The following DYSF variants were observed in gnomAD, a reference collection of about 807,000 sequenced individuals.
DYSF encodes the protein dystrophy-associated fer-1-like 1.
Under a neutral mutation model 274.9 loss-of-function variants are expected in DYSF, and 212 were observed. That is an observed-to-expected ratio of 0.77 (90% CI 0.69 to 0.86). The LOEUF (loss-of-function observed/expected upper bound fraction) is 0.86, where lower values mean the gene tolerates loss of function less well. DYSF is among the 40% of genes least tolerant of loss of function. The pLI, the probability that DYSF is intolerant of heterozygous loss-of-function variation, is 0.00. For missense variants in DYSF, 2,666 were observed against 2,783.2 expected (o/e 0.96, Z 0.95); for synonymous variants, 1,091 against 1,078.7 (o/e 1.01, Z -0.22).
rs186036570 is a variant in DYSF at position 71,526,200 on chromosome 2, G to T, written c.1150-20G>T. The stretch of plus-strand genomic sequence containing the variant: ...GTGCTCAGGAGCGCATGAAGGAATC[G>T]TATTTGGTTTTCTTTGTAGCTGGAG... On this transcript the variant is annotated intron_variant, in intron 12 of 55. Transcript: ENST00000410020. 4 of 1,614,074 alleles carry T rather than the reference G, an allele frequency of 2.5e-6. No individual in the cohort carries two copies. In the African/African-American group the frequency reaches 5.3e-5, roughly 22 times the overall value.
intron 1 of DYSF, among the ~76,000 whole-genome samples, chr2:71,478,294 C>T (rs2082564649): frequency 6.6e-6 from 1 of 151,440 alleles, no homozygotes; most frequent in Admixed American, 6.6e-5. Context: ...TCACTGCAAG[C>T]CCCGCCTCCT....
chr2:71,492,049 A>G lies in DYSF; in HGVS notation c.239+10079A>G, dbSNP rs569186368. Among the ~76,000 whole-genome samples, 17 of 152,236 alleles carry G rather than the reference A, an allele frequency of 1.1e-4. No individual in the cohort carries two copies. In the South Asian group the frequency reaches 2.1e-3, roughly 19 times the overall value. ...TACCCTTCACTGCCTCATTGTTTTC[A>G]GCGGGCCCGAAAGCATTGACCATAT... On this transcript the variant is annotated intron_variant, in intron 3 of 55. Transcript: ENST00000410020.
chr2:71,608,334 T>C (rs539952040), intron 36 of DYSF, among the ~76,000 whole-genome samples: 8 of 151,398 alleles, frequency 5.3e-5, no homozygotes, highest in Admixed American at 1.3e-4. Context: ...GTGTGAAAAA[T>C]TGGGGAGGAG....
At chr2:71,502,079 CTGTGTGTGTGTGTGTGTGTGTGTG>C (rs71402986) in intron 3 of DYSF, among the ~76,000 whole-genome samples, 11 of 143,918 alleles carry the variant, frequency 7.6e-5, no homozygotes, top group Admixed American at 7.6e-4. Flanking sequence ...CTCCATGACT[CTGTGTGTGTGTGTGTGTGTGTGTG>C]TGTGTGTGTG....
chr2:71,626,654 A>C (rs1317098164), intron 41 of DYSF, among the ~76,000 whole-genome samples: 1 of 151,718 alleles, frequency 6.6e-6, no homozygotes, highest in Admixed American at 6.6e-5. Flanking sequence ...CTTTTTTTGC[A>C]TCATTTTTTG....
intron 23 of DYSF, among the ~76,000 whole-genome samples, chr2:71,562,272 G>C (rs1241198403): frequency 1.3e-5 from 2 of 152,168 alleles, no homozygotes; most frequent in African/African-American, 2.4e-5. Flanking sequence ...TTCAGTGCCA[G>C]GGCCAGCTTC....
At chr2:71,609,395 T>C (rs13030767) in intron 36 of DYSF, among the ~76,000 whole-genome samples, 99,098 of 152,076 alleles carry the variant, frequency 0.65, 33,614 homozygotes, top group African/African-American at 0.86. Context: ...CCAGTGTTGC[T>C]CTGAAAGATG....
At chr2:71,620,481 G>A in intron 40 of DYSF, 66 bp from the exon 41 acceptor site, 2 of 1,517,034 alleles carry the variant, frequency 1.3e-6, no homozygotes, top group Non-Finnish European at 1.8e-6. Context: ...ACCTCTTGGA[G>A]ACTGTCCAGC....
rs185711021 is a variant in DYSF, at chr2:71,513,798, G to A, written c.636G>A (p.Pro212=). The part of the protein sequence containing the change: ...AEPFLDQSGG[P]GAPTTPRKLP... ...CATTCCTGGATCAAAGCGGAGGCCCGGGGGCTCCCACCACCCCAAGGAAAC... is the reference window on the plus strand; with the variant it reads ...CATTCCTGGATCAAAGCGGAGGCCCAGGGGCTCCCACCACCCCAAGGAAAC... The change falls in exon 7 of 56, where the codon CCG becomes CCA. Residue 212 remains proline, a synonymous_variant. Coordinates refer to ENST00000410020, the MANE Select transcript of DYSF (RefSeq NM_001130987.2). 5.5e-5 allele frequency: 89 copies of A among 1,613,952 alleles called. No homozygotes were observed. The highest frequency in any genetic ancestry group is 1.6e-4 in the Middle Eastern group (1 of 6,082).
rs567206780 is a variant in DYSF, at chr2:71,543,832, G to T, written c.1576+4593G>T. Among the ~76,000 whole-genome samples, 1,497 of 152,008 alleles carry T rather than the reference G, an allele frequency of 9.8e-3. 23 individuals carry two copies. Among genetic ancestry groups the T allele is most frequent in the African/African-American group, 0.034 (1,418 of 41,424 alleles). On this transcript the variant is annotated intron_variant, in intron 17 of 55. Coordinates refer to ENST00000410020, the MANE Select transcript of DYSF (RefSeq NM_001130987.2). ...CGGCAGTACAGTCCAGCTTCGGCTC[G>T]GCATCAGAGGGAGACCGTGGAAAGA...
intron 17 of DYSF, among the ~76,000 whole-genome samples, chr2:71,543,438 T>C (rs2090146053): frequency 6.6e-6 from 1 of 151,622 alleles, no homozygotes; most frequent in African/African-American, 2.4e-5. Flanking sequence ...GCAGAGACGC[T>C]CCTCACTTCC....
chr2:71,653,343 A>G (rs2094701265), intron 42 of DYSF, among the ~76,000 whole-genome samples: 1 of 152,166 alleles, frequency 6.6e-6, no homozygotes, highest in African/African-American at 2.4e-5. Flanking sequence ...ACATGCTGCT[A>G]TAAAGACACA....
chr2:71,526,531 G>C (rs1245765504), intron 13 of DYSF, among the ~76,000 whole-genome samples, 185 bp downstream of exon 13: 1 of 152,236 alleles, frequency 6.6e-6, no homozygotes. Flanking sequence ...ACTCTTGAGA[G>C]TAATAGCTGC....
chr2:71,562,927 C>T (rs1282390049), intron 23 of DYSF, among the ~76,000 whole-genome samples: 2 of 152,128 alleles, frequency 1.3e-5, no homozygotes, highest in Non-Finnish European at 2.9e-5. Flanking sequence ...ACTGTAAGCA[C>T]AAATTGTGAT....
chr2:71,567,904 C>G (rs769886964), intron 24 of DYSF, 47 bp from the exon 25 acceptor site: 3 of 1,608,084 alleles, frequency 1.9e-6, no homozygotes, highest in South Asian at 2.2e-5. Flanking sequence ...CTGGGACATC[C>G]GGATCCTGAA....
chr2:71,612,941 AC>A, intron 39 of DYSF, 135 bp downstream of exon 39: 2 of 1,206,000 alleles, frequency 1.7e-6, no homozygotes, highest in Non-Finnish European at 2.3e-6. Context: ...GCTCTGCTAG[AC>A]CACAGGGTGG....
chr2:71,490,113 C>G (rs1016922548), intron 3 of DYSF, among the ~76,000 whole-genome samples: 46 of 152,236 alleles, frequency 3.0e-4, no homozygotes, highest in African/African-American at 1.0e-3. Flanking sequence ...CCGGCTGTAC[C>G]TGAGTGTGCA....
intron 30 of DYSF, 76 bp from the exon 31 acceptor site, chr2:71,589,517 T>C: frequency 8.4e-7 from 1 of 1,184,140 alleles, no homozygotes; most frequent in Non-Finnish European, 1.3e-6. Flanking sequence ...CCTGGGGATC[T>C]AACTCTCTGG....
chr2:71,496,351 T>C (rs1241512648), intron 3 of DYSF, among the ~76,000 whole-genome samples: 1 of 151,940 alleles, frequency 6.6e-6, no homozygotes, highest in Non-Finnish European at 1.5e-5. Flanking sequence ...AGGGAAGTGC[T>C]GGGGTCAGTG....
Sources: allele counts gnomAD v4.1 joint callset (sites outside exome capture counted in the v4.1 genomes callset), GRCh38; gene constraint gnomAD v4.1.1; transcripts MANE v1.5; gene names NCBI Gene and HGNC (gene_info 2026-07-23, HGNC 2026-07-21).